SFMBT2: variants seen among roughly 807,000 people sequenced by gnomAD.
The protein encoded by SFMBT2 is Scm like with four mbt domains 2.
Under a neutral mutation model 110.1 loss-of-function variants are expected in SFMBT2, and 38 were observed. The ratio of observed to expected loss-of-function variants is 0.35; its 90% CI spans 0.27 to 0.45. The LOEUF is 0.45. Ranked by LOEUF, SFMBT2 falls within the 20% of genes least tolerant of loss-of-function variation. SFMBT2 has a pLI of 1.00. For synonymous variants in SFMBT2, 425 were observed against 425.4 expected, an observed-to-expected ratio of 1.00 and a Z score of 0.01; for missense variants, 1,011 against 1,094.9, an observed-to-expected ratio of 0.92 and a Z score of 1.08.
intron 2 of SFMBT2, among the ~76,000 whole-genome samples, chr10:7,375,665 G>A (rs936706604): frequency 4.6e-5 from 7 of 151,750 alleles, no homozygotes; most frequent in African/African-American, 1.7e-4. Flanking sequence ...CCACCCCACA[G>A]GCAGGGACAG....
intron 16 of SFMBT2, among the ~76,000 whole-genome samples, chr10:7,185,128 C>T (rs118130940): frequency 0.015 from 2,252 of 152,300 alleles, 30 homozygotes; most frequent in Non-Finnish European, 0.023. Flanking sequence ...GACTACTGCT[C>T]CTCCAGAATG....
chr10:7,206,423 C>G, intron 11 of SFMBT2: 1 of 985,434 alleles, frequency 1.0e-6, no homozygotes. Flanking sequence ...AGCATCACAG[C>G]TAAACGGAAC....
chr10:7,283,284 A>G (rs1230734948), intron 6 of SFMBT2, among the ~76,000 whole-genome samples: 1 of 152,264 alleles, frequency 6.6e-6, no homozygotes, highest in Non-Finnish European at 1.5e-5. Context: ...AAGCCTCTGC[A>G]AAGCCATTTG....
At chr10:7,269,291 T>C (rs1205889083) in intron 7 of SFMBT2, among the ~76,000 whole-genome samples, 1 of 152,182 alleles carries the variant, frequency 6.6e-6, no homozygotes, top group African/African-American at 2.4e-5. Flanking sequence ...CTTGTTCTCA[T>C]ACTGTTCCAG....
At position 7,285,917 on chromosome 10, in the gene SFMBT2, G is replaced by A. The variant is rs150312053; in HGVS notation, c.474C>T (p.Leu158=). Residue 158 remains leucine, a synonymous_variant, in exon 5 of 21, where the codon CTC becomes CTT. Coordinates refer to ENST00000397167, the MANE Select transcript of SFMBT2 (RefSeq NM_001387889.1). ...KEKYTDWTEF[L]IRDLTGSRTA... is the part of the protein sequence containing the mutation. ...TCCTCGAACCAGTCAAGTCACGTAT[G>A]AGAAATTCTGTCCAGTCTGTGTACT... 1.1e-6 allele frequency: 1 copy of A among 872,356 alleles called. No homozygotes were observed. The highest frequency in any genetic ancestry group is 1.6e-5 in the African/African-American group (1 of 61,310). The allele number at this position is 872,356 out of a possible 1,614,324, so 54.0% of individuals were successfully genotyped here.
At chr10:7,377,163 C>T (rs1845252866) in intron 2 of SFMBT2, among the ~76,000 whole-genome samples, 1 of 60,838 alleles carries the variant, frequency 1.6e-5, no homozygotes, top group Non-Finnish European at 2.9e-5. Flanking sequence ...AGCGAGACTC[C>T]ATCTCAAAAA....
chr10:7,164,776 CACACACACACACACA>C (rs1564361582), intron 20 of SFMBT2, among the ~76,000 whole-genome samples: 5 of 151,598 alleles, frequency 3.3e-5, no homozygotes, highest in African/African-American at 4.9e-5. Context: ...CACACACACA[CACACACACACACACA>C]CCATTTACAG....
At chr10:7,287,121 A>G (rs1208302381) in intron 4 of SFMBT2, among the ~76,000 whole-genome samples, 1 of 113,892 alleles carries the variant, frequency 8.8e-6, no homozygotes, top group Non-Finnish European at 1.7e-5. Context: ...TCGCTCTTTC[A>G]CCCAGGCTGG....
intron 4 of SFMBT2, chr10:7,292,207 T>C (rs1842280542): frequency 4.1e-6 from 1 of 242,174 alleles, no homozygotes; most frequent in Non-Finnish European, 6.7e-6. Flanking sequence ...CTCAACCAGA[T>C]GTCAGGTAGC....
At chr10:7,406,232 T>A (rs1034151878) in intron 1 of SFMBT2, among the ~76,000 whole-genome samples, 2 of 152,072 alleles carry the variant, frequency 1.3e-5, no homozygotes, top group African/African-American at 4.8e-5. Flanking sequence ...AGTGAACTAT[T>A]TTTGTTCAAA....
intron 4 of SFMBT2, among the ~76,000 whole-genome samples, chr10:7,307,829 A>C (rs575171408): frequency 6.6e-6 from 1 of 152,340 alleles, no homozygotes; most frequent in African/African-American, 2.4e-5. Flanking sequence ...CAGCTTAGTA[A>C]AATTAAGAAT....
At chr10:7,255,529 T>G (rs1334409069) in intron 7 of SFMBT2, among the ~76,000 whole-genome samples, 2 of 152,234 alleles carry the variant, frequency 1.3e-5, no homozygotes. Context: ...TCACTACCCA[T>G]TTTTATTTTT....
In SFMBT2 at chr10:7,202,487, C is replaced by G. The variant is rs1253276764; in HGVS notation, c.1480G>C (p.Glu494Gln). 1 of 1,614,210 alleles carries G rather than the reference C, an allele frequency of 6.2e-7. No individual in the cohort carries two copies. The highest frequency in any genetic ancestry group is 8.5e-7 in the Non-Finnish European group (1 of 1,180,036). ...GGGGAAAAAAGCACGTACTGTTTCT[C>G]TGGTTGCACGACTGCAATCTTTCTC... is the stretch of plus-strand genomic sequence containing the variant. ...KKRKIAVVQP[E>Q]KQLPPTVPVK... The change falls in exon 13 of 21, where the codon GAG (glutamate) becomes CAG (glutamine). Residue 494 changes from glutamate (E) to glutamine (Q), a missense_variant. By Grantham distance (29) the Glu-to-Gln change is conservative. Around this residue, in one of 2 missense-constraint regions of SFMBT2, gnomAD observed 979 missense variants for 1,016.1 expected, o/e 0.96. Transcript: ENST00000397167.
chr10:7,319,698 GAGAC>G (rs1415325805), intron 4 of SFMBT2, among the ~76,000 whole-genome samples: 1 of 151,856 alleles, frequency 6.6e-6, no homozygotes, highest in Non-Finnish European at 1.5e-5. Context: ...GAGAGACTGA[GAGAC>G]AGAGATAGAC....
At chr10:7,338,640 T>C (rs1442722171) in intron 4 of SFMBT2, among the ~76,000 whole-genome samples, 2 of 152,198 alleles carry the variant, frequency 1.3e-5, no homozygotes, top group Non-Finnish European at 2.9e-5. Context: ...TTGGTCTTGC[T>C]GTCTCAGGGG....
chr10:7,384,229 A>AAC (rs1845517203), intron 1 of SFMBT2, among the ~76,000 whole-genome samples: 1 of 149,816 alleles, frequency 6.7e-6, no homozygotes, highest in African/African-American at 2.4e-5. Context: ...AAAAAAAAAA[A>AAC]AAAAAAAAAC....
intron 4 of SFMBT2, among the ~76,000 whole-genome samples, chr10:7,350,344 A>C (rs1564453238): frequency 6.6e-6 from 1 of 152,136 alleles, no homozygotes; most frequent in Non-Finnish European, 1.5e-5. Flanking sequence ...CTGGGACATT[A>C]ACACTTCATC....
intron 16 of SFMBT2, among the ~76,000 whole-genome samples, chr10:7,181,637 G>A (rs1345162226): frequency 6.6e-6 from 1 of 152,138 alleles, no homozygotes; most frequent in Non-Finnish European, 1.5e-5. Flanking sequence ...GAGCATTTCT[G>A]AGCACTATTG....
chr10:7,340,677 T>C (rs962199432), intron 4 of SFMBT2, among the ~76,000 whole-genome samples: 2 of 91,246 alleles, frequency 2.2e-5, no homozygotes, highest in African/African-American at 9.3e-5. Flanking sequence ...AAAAAAAAAA[T>C]ACTGCAAAAC....
Sources: allele counts gnomAD v4.1 joint callset (sites outside exome capture counted in the v4.1 genomes callset), GRCh38; gene constraint gnomAD v4.1.1; regional missense constraint gnomAD v4.1.1; transcripts MANE v1.5; gene names NCBI Gene and HGNC (gene_info 2026-07-23, HGNC 2026-07-21).